CIMIP6: variants seen among roughly 807,000 people sequenced by gnomAD.
CIMIP6 encodes uncharacterized protein C2orf73.
the CIMIP6 span, chr2:54,330,924 G>T: frequency 6.3e-7 from 1 of 1,586,008 alleles, no homozygotes; most frequent in Non-Finnish European, 8.6e-7. Flanking sequence ...TGGCAGGGCT[G>T]CGTCCCTGTT....
chr2:54,344,392 T>A, the CIMIP6 span, among the ~76,000 whole-genome samples: 1 of 152,094 alleles, frequency 6.6e-6, no homozygotes, highest in Non-Finnish European at 1.5e-5. Context: ...AGGAAGAACT[T>A]TCTGGAACGT....
At chr2:54,359,927 G>A in the CIMIP6 span, among the ~76,000 whole-genome samples, 13 of 152,198 alleles carry the variant, frequency 8.5e-5, no homozygotes, top group African/African-American at 2.7e-4. Context: ...CAGTCCAAAT[G>A]ATAAAAAAGT....
the CIMIP6 span, chr2:54,360,637 T>G: frequency 3.3e-5 from 45 of 1,374,934 alleles, no homozygotes; most frequent in Non-Finnish European, 4.2e-5. Flanking sequence ...GCCCTCACAT[T>G]TACTTTTCTG....
chr2:54,332,200 T>G, the CIMIP6 span, among the ~76,000 whole-genome samples: 1 of 152,224 alleles, frequency 6.6e-6, no homozygotes, highest in Non-Finnish European at 1.5e-5. Context: ...TTTTTTCATT[T>G]GCCACCTTCA....
chr2:54,374,614 T>C, the CIMIP6 span, among the ~76,000 whole-genome samples: 2 of 152,230 alleles, frequency 1.3e-5, no homozygotes, highest in African/African-American at 4.8e-5. Context: ...GTTCCCTTCA[T>C]AGGAATTTTA....
chr2:54,368,159 A>G, the CIMIP6 span, among the ~76,000 whole-genome samples: 1 of 152,194 alleles, frequency 6.6e-6, no homozygotes, highest in Non-Finnish European at 1.5e-5. Flanking sequence ...TGTAAAAACA[A>G]TTTCATTTGT....
At chr2:54,372,370 A>T in the CIMIP6 span, among the ~76,000 whole-genome samples, 2 of 152,082 alleles carry the variant, frequency 1.3e-5, no homozygotes, top group Non-Finnish European at 2.9e-5. Flanking sequence ...CTGTAGCCGT[A>T]TTTGTCCCCT....
At chr2:54,334,532 A>G in the CIMIP6 span, among the ~76,000 whole-genome samples, 1 of 152,212 alleles carries the variant, frequency 6.6e-6, no homozygotes, top group Admixed American at 6.5e-5. Context: ...TGGAAGCATA[A>G]TCCAATCACT....
chr2:54,335,778 G>A, the CIMIP6 span, among the ~76,000 whole-genome samples: 1 of 152,186 alleles, frequency 6.6e-6, no homozygotes, highest in African/African-American at 2.4e-5. Flanking sequence ...CTCACTGACT[G>A]TTGCCAGGCC....
the CIMIP6 span, among the ~76,000 whole-genome samples, chr2:54,362,329 G>C: frequency 6.6e-6 from 1 of 152,090 alleles, no homozygotes; most frequent in Non-Finnish European, 1.5e-5. Flanking sequence ...GGAGATAAAA[G>C]AATTAAAACA....
chr2:54,344,568 G>C, the CIMIP6 span, among the ~76,000 whole-genome samples: 1 of 152,148 alleles, frequency 6.6e-6, no homozygotes, highest in Non-Finnish European at 1.5e-5. Context: ...GTAGGAGAGA[G>C]TCAGAGAGTT....
the CIMIP6 span, among the ~76,000 whole-genome samples, chr2:54,356,362 G>T: frequency 6.6e-6 from 1 of 152,096 alleles, no homozygotes; most frequent in Non-Finnish European, 1.5e-5. Flanking sequence ...CAGTTTCTGT[G>T]GCCCTGGGCA....
the CIMIP6 span, among the ~76,000 whole-genome samples, chr2:54,348,714 CCAT>C: frequency 6.6e-6 from 1 of 152,074 alleles, no homozygotes; most frequent in Non-Finnish European, 1.5e-5. Context: ...AGATTTTTTA[CCAT>C]AAGCATATGA....
At chr2:54,379,168 A>G in the CIMIP6 span, among the ~76,000 whole-genome samples, 4 of 152,220 alleles carry the variant, frequency 2.6e-5, no homozygotes, top group Non-Finnish European at 4.4e-5. Flanking sequence ...CACTGATTCA[A>G]CTTCAAAACA....
the CIMIP6 span, among the ~76,000 whole-genome samples, chr2:54,378,667 A>T: frequency 6.6e-6 from 1 of 152,250 alleles, no homozygotes; most frequent in African/African-American, 2.4e-5. Context: ...TAACTAAAGC[A>T]TATATAACAA....
the CIMIP6 span, among the ~76,000 whole-genome samples, chr2:54,345,208 G>A: frequency 6.6e-6 from 1 of 152,120 alleles, no homozygotes; most frequent in Non-Finnish European, 1.5e-5. Context: ...TAGCAGGGGA[G>A]CCTTCATAAG....
chr2:54,363,783 G>T, the CIMIP6 span, among the ~76,000 whole-genome samples: 1 of 152,080 alleles, frequency 6.6e-6, no homozygotes, highest in Non-Finnish European at 1.5e-5. Flanking sequence ...CCACCATCTT[G>T]AGTCAATCTC....
chr2:54,343,322 T>C, the CIMIP6 span, among the ~76,000 whole-genome samples: 54 of 152,328 alleles, frequency 3.5e-4, no homozygotes, highest in Non-Finnish European at 6.0e-4. Context: ...TATTTTTAGA[T>C]GATAATACAT....
the CIMIP6 span, chr2:54,335,131 A>G: frequency 1.2e-6 from 1 of 834,380 alleles, no homozygotes; most frequent in East Asian, 2.7e-5. Context: ...TCAGAGTAGT[A>G]CTTATCATAA....
Sources: gnomAD v4.1 joint callset for allele counts (sites outside exome capture counted in the v4.1 genomes callset) on GRCh38, gnomAD v4.1.1 for gene constraint, MANE v1.5 for transcripts, NCBI Gene and HGNC (gene_info 2026-07-23, HGNC 2026-07-21) for gene names.